Variants in NFATC2 observed in about 807,000 individuals in gnomAD.
NFATC2 encodes the protein nuclear factor of activated T-cells, cytoplasmic 2.
In NFATC2, 22 loss-of-function variants were observed where a neutral mutation model predicts 87.3. That is an observed-to-expected ratio of 0.25 (90% CI 0.18 to 0.36). The LOEUF is 0.36. NFATC2 is among the 10% of genes least tolerant of loss of function. The pLI is 1.00. For missense variants in NFATC2, 1,149 were observed against 1,259.1 expected, an observed-to-expected ratio of 0.91 and a Z score of 1.32; for synonymous variants, 565 against 542.2, an observed-to-expected ratio of 1.04 and a Z score of -0.58.
chr20:51,387,476 A>G lies in NFATC2; in HGVS notation c.*4020T>C, dbSNP rs1397106517. 6.6e-6 allele frequency: 1 copy of G among 152,222 alleles called. No individual in the cohort carries two copies. The highest frequency in any genetic ancestry group is 1.5e-5 in the Non-Finnish European group (1 of 68,040). The allele number at this position is 152,222 out of a possible 1,614,324, so 9.4% of individuals were successfully genotyped here. A position where few individuals can be genotyped will look rare whatever the true frequency, so the allele number is the denominator to read the frequency against. On this transcript the variant is annotated 3_prime_UTR_variant, in exon 11 of 11. Transcript: ENST00000371564. ...GAGCAACTCTCTGTTATCAACCACC[A>G]GAAAAGTTTGTTTTTAAACAGACTG...
At chr20:51,423,633 G>A (rs555795565) in intron 9 of NFATC2, among the ~76,000 whole-genome samples, 1 of 152,310 alleles carries the variant, frequency 6.6e-6, no homozygotes, top group East Asian at 1.9e-4. Flanking sequence ...CAAGAGAATA[G>A]CCTCATTTGG....
intron 3 of NFATC2, among the ~76,000 whole-genome samples, chr20:51,492,477 C>A (rs527640314): frequency 3.9e-5 from 6 of 152,336 alleles, no homozygotes; most frequent in Admixed American, 1.3e-4. Flanking sequence ...AAACAAACAA[C>A]AAAAACCCCG....
At chr20:51,397,919 C>CCTTCCTCAATGTCTCATCTGGACTTCA (rs1186348110) in intron 10 of NFATC2, among the ~76,000 whole-genome samples, 1 of 152,164 alleles carries the variant, frequency 6.6e-6, no homozygotes, top group East Asian at 1.9e-4. Flanking sequence ...ATGCAACCTT[C>CCTTCCTCAATGTCTCATCTGGACTTCA]CTTCCTCAAT....
intron 9 of NFATC2, among the ~76,000 whole-genome samples, chr20:51,426,597 A>G (rs895202576): frequency 9.2e-5 from 14 of 152,224 alleles, no homozygotes; most frequent in Admixed American, 9.2e-4. Flanking sequence ...TGACTGTCTC[A>G]TTCTACAGAT....
At chr20:51,511,400 G>A (rs2076269437) in intron 3 of NFATC2, among the ~76,000 whole-genome samples, 1 of 152,222 alleles carries the variant, frequency 6.6e-6, no homozygotes, top group Non-Finnish European at 1.5e-5. Flanking sequence ...CTCTGGTGAT[G>A]CAGCGTGTGG....
chr20:51,524,764 TC>T lies in NFATC2; in HGVS notation c.131-655del, dbSNP rs2076516039. Among the ~76,000 whole-genome samples the T allele has an allele frequency of 6.6e-6, 1 of 152,124 alleles. No homozygotes were observed. Among genetic ancestry groups the T allele is most frequent in the Non-Finnish European group, 1.5e-5 (1 of 68,022 alleles). ...TCCAGGGCTCCTGACTCATGTCTCA[TC>T]TGTGTCATTTTACAAATGAGGAAAC... On this transcript the variant is annotated intron_variant, in intron 1 of 10. Transcript: ENST00000371564. The surrounding 1 kb of genome is among the most constrained non-coding windows in gnomAD (Gnocchi z 4.0).
chr20:51,462,436 ACT>A (rs1374699964), intron 5 of NFATC2, among the ~76,000 whole-genome samples: 1 of 152,184 alleles, frequency 6.6e-6, no homozygotes, highest in African/African-American at 2.4e-5. Flanking sequence ...ACAGAGCGAG[ACT>A]CTGTCTCAAA....
chr20:51,446,712 A>C (rs1417471562), intron 6 of NFATC2, among the ~76,000 whole-genome samples: 1 of 152,254 alleles, frequency 6.6e-6, no homozygotes, highest in East Asian at 1.9e-4. Context: ...CCTGAAAACG[A>C]GACCATTTTC....
chr20:51,472,116 G>A (rs537164157), intron 5 of NFATC2, among the ~76,000 whole-genome samples: 105 of 152,290 alleles, frequency 6.9e-4, no homozygotes, highest in Middle Eastern at 3.4e-3. Context: ...TTAGCCAGGC[G>A]TGGTAGTGGG....
intron 5 of NFATC2, among the ~76,000 whole-genome samples, chr20:51,463,051 C>T (rs1405996500): frequency 1.3e-5 from 2 of 152,250 alleles, no homozygotes; most frequent in African/African-American, 4.8e-5. Context: ...GCTGTCAGCC[C>T]TTCTTGTCTC....
chr20:51,492,062 G>A (rs117342130), intron 3 of NFATC2, among the ~76,000 whole-genome samples: 2,827 of 151,996 alleles, frequency 0.019, 76 homozygotes, highest in Non-Finnish European at 0.021. Flanking sequence ...TAGATCTGGA[G>A]AAAGCCGCAT....
At chr20:51,434,742 C>T (rs1983302328) in intron 8 of NFATC2, among the ~76,000 whole-genome samples, 1 of 152,138 alleles carries the variant, frequency 6.6e-6, no homozygotes, top group East Asian at 1.9e-4. Flanking sequence ...CCTCCTGACC[C>T]GGTTATCCAC....
intron 2 of NFATC2, among the ~76,000 whole-genome samples, chr20:51,521,069 G>T (rs933344955): frequency 3.9e-5 from 6 of 152,214 alleles, no homozygotes; most frequent in Admixed American, 1.3e-4. Context: ...CTCTGAGAAG[G>T]CCTGCACACA....
At position 51,467,144 on chromosome 20, in the gene NFATC2, T is replaced by G. The variant is rs561025722; in HGVS notation, c.1708+6836A>C. ...GGTAAGCCACAGACAGGGAAAAATA[T>G]ACACAAATCTGACAAAGGACTTATG... On this transcript the variant is annotated intron_variant, in intron 5 of 10. Transcript: ENST00000371564. 8.1e-5 allele frequency among the ~76,000 whole-genome samples: 12 copies of G among 148,304 alleles called. No homozygotes were observed. In the South Asian group the frequency reaches 8.5e-4, roughly 11 times the overall value.
Position 51,542,436 on chromosome 20 carries a change from C to G in NFATC2, c.64G>C (p.Gly22Arg), listed in dbSNP as rs765984820. 9.4e-6 allele frequency: 15 copies of G among 1,598,136 alleles called. No individual in the cohort carries two copies. In the East Asian group the frequency reaches 3.1e-4, roughly 33 times the overall value. The stretch of plus-strand genomic sequence containing the variant: ...AAGTCAAGCTCGTCTTGGGGGCTGC[C>G]CCCAGGCTCGTGGCCTGGGGCGTCC... The part of the protein sequence containing the change: ...GGDAPGHEPG[G>R]SPQDELDFSI... The change falls in exon 1 of 11, where the codon GGC becomes CGC. Residue 22 changes from glycine (G) to arginine (R), a missense_variant. This residue lies in a region of NFATC2 where 563 missense variants were observed against 585.2 expected (regional missense o/e 0.96). Coordinates refer to ENST00000371564, the MANE Select transcript of NFATC2 (RefSeq NM_012340.5).
At chr20:51,545,278 T>C (rs944951175), upstream of NFATC2, among the ~76,000 whole-genome samples, 1 of 152,242 alleles carries the variant, frequency 6.6e-6, no homozygotes, top group South Asian at 2.1e-4. Flanking sequence ...TGATTGTGCC[T>C]ACCCAGAATA....
chr20:51,413,471 T>C (rs900089519), intron 9 of NFATC2, among the ~76,000 whole-genome samples: 1 of 152,122 alleles, frequency 6.6e-6, no homozygotes, highest in African/African-American at 2.4e-5. Flanking sequence ...CAAAAAAACC[T>C]AAAGAGGCGG....
chr20:51,442,642 A>G (rs982462667), intron 6 of NFATC2, among the ~76,000 whole-genome samples: 14 of 152,124 alleles, frequency 9.2e-5, no homozygotes, highest in African/African-American at 3.4e-4. Context: ...TCACTGATTC[A>G]AGAAACATGT....
In NFATC2 at chr20:51,439,800, C is replaced by T. The variant is rs139179166; in HGVS notation, c.1850-4039G>A. Reference sequence around the variant, plus strand: ...ACACCCAGCTTCAAATCCTTGACTACCCCCAATGATTTGTGAGACCTTAGA... The same window carrying T: ...ACACCCAGCTTCAAATCCTTGACTATCCCCAATGATTTGTGAGACCTTAGA... On this transcript the variant is annotated intron_variant, in intron 6 of 10. Coordinates refer to ENST00000371564, the MANE Select transcript of NFATC2 (RefSeq NM_012340.5). Among the ~76,000 whole-genome samples the T allele has an allele frequency of 6.3e-3, 956 of 151,412 alleles. 15 individuals carry two copies. The highest frequency in any genetic ancestry group is 0.022 in the African/African-American group (883 of 40,702).
Sources: allele counts gnomAD v4.1 joint callset (sites outside exome capture counted in the v4.1 genomes callset), GRCh38; gene constraint gnomAD v4.1.1; regional missense constraint gnomAD v4.1.1; non-coding constraint Gnocchi (gnomAD v3.1); transcripts MANE v1.5; gene names NCBI Gene and HGNC (gene_info 2026-07-23, HGNC 2026-07-21).